SCEL: variants seen among roughly 807,000 people sequenced by gnomAD.
The protein encoded by SCEL is sciellin.
Under a neutral mutation model 117.6 loss-of-function variants are expected in SCEL, and 113 were observed. The ratio of observed to expected loss-of-function variants is 0.96; its 90% CI spans 0.83 to 1.12. The LOEUF (loss-of-function observed/expected upper bound fraction) is 1.12, where lower values mean the gene tolerates loss of function less well. SCEL is among the 50% of genes most tolerant of loss of function. The pLI, the probability that SCEL is intolerant of heterozygous loss-of-function variation, is 0.00. For synonymous variants in SCEL, 270 were observed against 256.2 expected (o/e 1.05, Z -0.51); for missense variants, 785 against 810.8 (o/e 0.97, Z 0.39).
chr13:77,541,888 A>G (rs2083721760), intron 1 of SCEL, among the ~76,000 whole-genome samples: 1 of 152,250 alleles, frequency 6.6e-6, no homozygotes, highest in African/African-American at 2.4e-5. Context: ...AAGATAACTA[A>G]CAGGGTTTTG....
chr13:77,572,715 C>G (rs2085712397), intron 9 of SCEL, among the ~76,000 whole-genome samples: 1 of 152,208 alleles, frequency 6.6e-6, no homozygotes, highest in African/African-American at 2.4e-5. Flanking sequence ...CCAAATTTCC[C>G]TTTGTTATAA....
intron 8 of SCEL, among the ~76,000 whole-genome samples, chr13:77,569,805 G>A (rs1454983309): frequency 6.6e-6 from 1 of 152,098 alleles, no homozygotes; most frequent in African/African-American, 2.4e-5. Flanking sequence ...TGGAGATGCC[G>A]CCTCTGCTCT....
intron 24 of SCEL, among the ~76,000 whole-genome samples, chr13:77,616,696 A>T (rs931412078): frequency 1.3e-5 from 2 of 150,868 alleles, no homozygotes; most frequent in Non-Finnish European, 3.0e-5. Context: ...AGACCTTCTG[A>T]TGATTCATCT....
chr13:77,535,856 C>T (rs934500257), intron 1 of SCEL, 32 bp downstream of exon 1: 13 of 152,258 alleles, frequency 8.5e-5, no homozygotes, highest in Admixed American at 4.6e-4. Context: ...AACAGAAATA[C>T]ATCTGCTGTA....
At chr13:77,614,047 A>C in intron 24 of SCEL, 92 bp downstream of exon 24, 2 of 1,059,554 alleles carry the variant, frequency 1.9e-6, no homozygotes, top group Non-Finnish European at 2.9e-6. Context: ...GGCAAATTGA[A>C]TATAAATCTC....
chr13:77,551,331 G>C (rs1024150723), intron 1 of SCEL, among the ~76,000 whole-genome samples: 6 of 152,162 alleles, frequency 3.9e-5, no homozygotes, highest in African/African-American at 1.2e-4. Context: ...CATTCAAAGA[G>C]GGCACAGATC....
At chr13:77,599,775 T>G (rs1191642585) in intron 15 of SCEL, 27 bp downstream of exon 15, 1 of 1,494,626 alleles carries the variant, frequency 6.7e-7, no homozygotes, top group Non-Finnish European at 9.3e-7. Context: ...ACAGACCATT[T>G]TGATTGAGTC....
At chr13:77,574,915 C>A (rs1295629990) in intron 9 of SCEL, among the ~76,000 whole-genome samples, 1 of 152,116 alleles carries the variant, frequency 6.6e-6, no homozygotes, top group Non-Finnish European at 1.5e-5. Flanking sequence ...AAGACTGACA[C>A]CCTCACTTTT....
At chr13:77,546,010 T>C (rs1233882262) in intron 1 of SCEL, among the ~76,000 whole-genome samples, 1 of 152,234 alleles carries the variant, frequency 6.6e-6, no homozygotes, top group Non-Finnish European at 1.5e-5. Flanking sequence ...GCTTGATCAA[T>C]GGCCAGCACT....
At chr13:77,548,724 G>A (rs2084133002) in intron 1 of SCEL, among the ~76,000 whole-genome samples, 1 of 152,182 alleles carries the variant, frequency 6.6e-6, no homozygotes, top group Non-Finnish European at 1.5e-5. Flanking sequence ...CATGGGATCT[G>A]ATGGCTTTAT....
chr13:77,595,966 G>C (rs907903881), intron 12 of SCEL, among the ~76,000 whole-genome samples: 3 of 149,216 alleles, frequency 2.0e-5, no homozygotes, highest in African/African-American at 7.4e-5. Flanking sequence ...AAGTGACTTA[G>C]CAATTGCATC....
At chr13:77,612,499 G>A (rs1594119962) in intron 22 of SCEL, among the ~76,000 whole-genome samples, 1 of 36,942 alleles carries the variant, frequency 2.7e-5, no homozygotes, top group Non-Finnish European at 6.4e-5. Context: ...AATTATCTCA[G>A]TTTTTGTTTG....
At chr13:77,619,294 C>A (rs894232693) in intron 27 of SCEL, among the ~76,000 whole-genome samples, 4 of 152,128 alleles carry the variant, frequency 2.6e-5, no homozygotes, top group Non-Finnish European at 5.9e-5. Context: ...ATGTGACTGG[C>A]AATTCATGTA....
intron 15 of SCEL, 162 bp downstream of exon 15, chr13:77,599,910 A>T: frequency 1.7e-6 from 1 of 593,866 alleles, no homozygotes; most frequent in Admixed American, 2.9e-5. Context: ...TTTGCCACCA[A>T]CATCAATCTG....
intron 29 of SCEL, among the ~76,000 whole-genome samples, chr13:77,636,694 G>A (rs1328889707): frequency 6.6e-6 from 1 of 152,044 alleles, no homozygotes; most frequent in African/African-American, 2.4e-5. Flanking sequence ...TAAAAATTTT[G>A]CATGCTTTTT....
Position 77,569,368 on chromosome 13 carries a change from C to T in SCEL, c.399-3C>T. On this transcript the variant is annotated splice_polypyrimidine_tract_variant and splice_region_variant and intron_variant, in intron 7 of 32. Coordinates refer to ENST00000349847, the MANE Select transcript of SCEL (RefSeq NM_144777.3). Reference sequence around the variant, plus strand: ...ATTAATTGTTGTTCTTGTCATTAAACAGGCAACCTGGCGGTTCATTGAATG... The same window carrying T: ...ATTAATTGTTGTTCTTGTCATTAAATAGGCAACCTGGCGGTTCATTGAATG... 4.3e-6 allele frequency: 7 copies of T among 1,612,630 alleles called. No homozygotes were observed. Among genetic ancestry groups the T allele is most frequent in the Non-Finnish European group, 5.9e-6 (7 of 1,178,792 alleles).
At chr13:77,579,004 T>C (rs2086114891) in intron 9 of SCEL, among the ~76,000 whole-genome samples, 1 of 152,170 alleles carries the variant, frequency 6.6e-6, no homozygotes, top group Non-Finnish European at 1.5e-5. Context: ...CTTTGATGTA[T>C]GTCTGTACAT....
At chr13:77,560,060 G>A (rs2084888008) in intron 4 of SCEL, among the ~76,000 whole-genome samples, 197 bp downstream of exon 4, 1 of 152,116 alleles carries the variant, frequency 6.6e-6, no homozygotes, top group South Asian at 2.1e-4. Context: ...TGACTTGGAG[G>A]CAGAACATAA....
intron 13 of SCEL, among the ~76,000 whole-genome samples, chr13:77,598,130 T>G (rs2087370646): frequency 6.6e-6 from 1 of 152,148 alleles, no homozygotes; most frequent in Non-Finnish European, 1.5e-5. Flanking sequence ...TGTGGCTAAT[T>G]TTTAATTTTT....
Sources: gnomAD v4.1 joint callset for allele counts (sites outside exome capture counted in the v4.1 genomes callset) on GRCh38, gnomAD v4.1.1 for gene constraint, MANE v1.5 for transcripts, NCBI Gene and HGNC (gene_info 2026-07-23, HGNC 2026-07-21) for gene names.